HECTD2: variants seen among roughly 807,000 people sequenced by gnomAD.
HECTD2 encodes probable E3 ubiquitin-protein ligase HECTD2.
HECTD2 carries 35 observed loss-of-function variants against 103.2 expected under a neutral mutation model. That is an observed-to-expected ratio of 0.34 (90% CI 0.26 to 0.45). The LOEUF (loss-of-function observed/expected upper bound fraction) is 0.45, where lower values mean the gene tolerates loss of function less well. HECTD2 is among the 20% of genes least tolerant of loss of function. HECTD2 has a pLI of 1.00. For synonymous variants in HECTD2, 281 were observed against 329.9 expected (o/e 0.85, Z 1.61); for missense variants, 596 against 937.4 (o/e 0.64, Z 4.76).
At position 91,410,411 on chromosome 10, in the gene HECTD2, G is replaced by GCCTGGCGCT. The variant is rs1842864609; in HGVS notation, c.-25_-17dup. ...CAGCAACACTGAGGCCGCCGCCGCCGCCTGGCGCTCCCGCCGCCCGGCCCG... is the reference window on the plus strand; with the variant it reads ...CAGCAACACTGAGGCCGCCGCCGCCGCCTGGCGCTCCTGGCGCTCCCGCCGCCCGGCCCG... On this transcript the variant is annotated 5_prime_UTR_variant, in exon 1 of 21. Coordinates refer to ENST00000298068, the MANE Select transcript of HECTD2 (RefSeq NM_182765.6). 5.9e-6 allele frequency: 8 copies of GCCTGGCGCT among 1,354,762 alleles called. No homozygotes were observed. Among genetic ancestry groups the GCCTGGCGCT allele is most frequent in the Non-Finnish European group, 6.6e-6 (7 of 1,056,166 alleles). The allele number at this position is 1,354,762 out of a possible 1,614,324, so 83.9% of individuals were successfully genotyped here.
rs1404668228 is a variant in HECTD2 at position 91,513,390 on chromosome 10, A to AAT, written c.*1008_*1009dup. The AAT allele has an allele frequency of 2.0e-5, 3 of 152,784 alleles. No individual in the cohort carries two copies. In the East Asian group the frequency reaches 5.8e-4, roughly 29 times the overall value. 9.5% of individuals were successfully genotyped at this position (152,784 alleles called of 1,614,324 possible). On this transcript the variant is annotated 3_prime_UTR_variant, in exon 21 of 21. Coordinates refer to ENST00000298068, the MANE Select transcript of HECTD2 (RefSeq NM_182765.6). ...TAGGTTAAAGTATTTGACAAAAGTG[A>AAT]ATACAATAATAACACTTGTGTCAAA... is the stretch of plus-strand genomic sequence containing the variant.
chr10:91,465,039 C>G (rs1287995054), intron 5 of HECTD2, among the ~76,000 whole-genome samples: 1 of 152,146 alleles, frequency 6.6e-6, no homozygotes, highest in Non-Finnish European at 1.5e-5. Flanking sequence ...ATAATCCTAA[C>G]TAAAAAAACA....
intron 2 of HECTD2, among the ~76,000 whole-genome samples, chr10:91,437,179 G>A (rs1316381007): frequency 6.6e-6 from 1 of 152,040 alleles, no homozygotes; most frequent in African/African-American, 2.4e-5. Context: ...TGTAATTTGT[G>A]TGGAGATCAG....
At chr10:91,417,040 TAGTTAA>T (rs1167356736) in intron 1 of HECTD2, among the ~76,000 whole-genome samples, 2 of 152,218 alleles carry the variant, frequency 1.3e-5, no homozygotes, top group Non-Finnish European at 2.9e-5. Flanking sequence ...TAACTATTTT[TAGTTAA>T]AGTTGAAGAA....
intron 14 of HECTD2, among the ~76,000 whole-genome samples, chr10:91,494,067 G>C (rs1264495619): frequency 1.3e-5 from 2 of 151,974 alleles, no homozygotes; most frequent in African/African-American, 2.4e-5. Flanking sequence ...ATTGTAGAGG[G>C]CATTTCTGCA....
rs570883310 is a variant in HECTD2 at position 91,514,068 on chromosome 10, T to C, written c.*1684T>C. 7.2e-5 allele frequency: 11 copies of C among 152,774 alleles called. No individual in the cohort carries two copies. Among genetic ancestry groups the C allele is most frequent in the Middle Eastern group, 6.8e-3 (2 of 294 alleles). 9.5% of individuals were successfully genotyped at this position (152,774 alleles called of 1,614,324 possible). ...CCATATGCAAATAAAACTGCTTCTCTCTTACACTGCTTGAACTAGAAAATC... is the reference window on the plus strand; with the variant it reads ...CCATATGCAAATAAAACTGCTTCTCCCTTACACTGCTTGAACTAGAAAATC... On this transcript the variant is annotated 3_prime_UTR_variant, in exon 21 of 21. Coordinates refer to ENST00000298068, the MANE Select transcript of HECTD2 (RefSeq NM_182765.6).
intron 17 of HECTD2, 37 bp downstream of exon 17, chr10:91,498,996 A>G (rs370353070): frequency 8.0e-5 from 124 of 1,551,014 alleles, no homozygotes; most frequent in Non-Finnish European, 1.0e-4. Context: ...ATGAATTAGT[A>G]TTTGCCATTT....
In HECTD2 at chr10:91,493,639, G is replaced by C. The variant is rs1846557471; in HGVS notation, c.1521+131G>C. The C allele has an allele frequency of 7.8e-6, 4 of 513,808 alleles. No homozygotes were observed. The South Asian group carries it at 1.3e-4, about 16-fold the overall frequency. 31.8% of individuals were successfully genotyped at this position (513,808 alleles called of 1,614,324 possible). ...AATGTTATTGTCAAATGTACTATTA[G>C]ATTTTCAGTAATCTTCATTATGTGT... On this transcript the variant is annotated intron_variant, in intron 14 of 20. Transcript: ENST00000298068.
intron 2 of HECTD2, among the ~76,000 whole-genome samples, chr10:91,437,619 C>CTTTTTTTTTTTTTTTTTTGGTTTTTTT (rs1844176801): frequency 3.4e-5 from 3 of 87,422 alleles, no homozygotes; most frequent in East Asian, 3.8e-4. Flanking sequence ...GATGGTTGTT[C>CTTTTTTTTTTTTTTTTTTGGTTTTTTT]TTTTTTTTTT....
chr10:91,443,775 T>A (rs1339471233), intron 2 of HECTD2, among the ~76,000 whole-genome samples: 2 of 152,200 alleles, frequency 1.3e-5, no homozygotes, highest in Non-Finnish European at 2.9e-5. Context: ...GAAACACTCT[T>A]CCATGGTTTT....
At chr10:91,481,316 G>C (rs907766308) in intron 7 of HECTD2, among the ~76,000 whole-genome samples, 177 bp downstream of exon 7, 24 of 151,666 alleles carry the variant, frequency 1.6e-4, no homozygotes, top group Non-Finnish European at 3.0e-4. Context: ...AAGATTAAAA[G>C]ATAAGTAAGA....
intron 2 of HECTD2, among the ~76,000 whole-genome samples, chr10:91,449,267 C>T (rs1171427611): frequency 6.6e-6 from 1 of 152,086 alleles, no homozygotes; most frequent in Non-Finnish European, 1.5e-5. Context: ...TAAACGTAAT[C>T]CATTTCAACA....
Position 91,476,990 on chromosome 10 carries a change from C to G in HECTD2, c.601-1211C>G, listed in dbSNP as rs1193284994. ...GGTCAGGAGATCGAGACCATCCTGG[C>G]TAACAAGGTGAAACCCCGTCTCTAC... On this transcript the variant is annotated intron_variant, in intron 5 of 20. Transcript: ENST00000298068. 2.0e-5 allele frequency among the ~76,000 whole-genome samples: 3 copies of G among 151,172 alleles called. No individual in the cohort carries two copies. In the East Asian group the frequency reaches 5.9e-4, roughly 30 times the overall value.
At chr10:91,456,132 G>T (rs1232021216) in intron 2 of HECTD2, among the ~76,000 whole-genome samples, 1 of 152,134 alleles carries the variant, frequency 6.6e-6, no homozygotes, top group Non-Finnish European at 1.5e-5. Context: ...AGCCTGATGG[G>T]GGGGTGGCAT....
intron 18 of HECTD2, 51 bp downstream of exon 18, chr10:91,499,201 C>A: frequency 1.1e-6 from 1 of 920,504 alleles, no homozygotes. Flanking sequence ...GTAGTACTAT[C>A]ATGTTAACAA....
intron 2 of HECTD2, among the ~76,000 whole-genome samples, chr10:91,430,451 G>A (rs1351124033): frequency 4.6e-5 from 7 of 152,038 alleles, no homozygotes; most frequent in South Asian, 4.1e-4. Flanking sequence ...TTTCTGTTTC[G>A]TTGATCTGTC....
rs1168502595 is a variant in HECTD2, at chr10:91,496,333, C to G, written c.1641C>G (p.Ile547Met). 6.2e-7 allele frequency: 1 copy of G among 1,612,280 alleles called. No homozygotes were observed. The highest frequency in any genetic ancestry group is 2.2e-5 in the East Asian group (1 of 44,820). ...IPSDQNIPVGICNVTVDDLCQ... is the reference protein window; with the variant it reads ...IPSDQNIPVGMCNVTVDDLCQ... ...GTGATCAAAATATACCAGTAGGCAT[C>G]TGCAATGTTACCGTGGACGACTTAT... Residue 547 changes from isoleucine to methionine, a missense_variant, in exon 15 of 21, where the codon ATC (isoleucine) becomes ATG (methionine). Coordinates refer to ENST00000298068, the MANE Select transcript of HECTD2 (RefSeq NM_182765.6).
At chr10:91,472,813 A>G (rs1190121366) in intron 5 of HECTD2, among the ~76,000 whole-genome samples, 1 of 152,174 alleles carries the variant, frequency 6.6e-6, no homozygotes, top group African/African-American at 2.4e-5. Context: ...GAGACTGTCT[A>G]AAATACCTTT....
At chr10:91,428,461 C>T (rs1250387629) in intron 2 of HECTD2, among the ~76,000 whole-genome samples, 2 of 151,936 alleles carry the variant, frequency 1.3e-5, no homozygotes, top group East Asian at 3.8e-4. Flanking sequence ...TATAAATTAC[C>T]TTGGGCAGTA....
Sources: allele counts gnomAD v4.1 joint callset (sites outside exome capture counted in the v4.1 genomes callset), GRCh38; gene constraint gnomAD v4.1.1; transcripts MANE v1.5; gene names NCBI Gene and HGNC (gene_info 2026-07-23, HGNC 2026-07-21).